LRP1: variants seen among roughly 807,000 people sequenced by gnomAD.
LRP1 encodes prolow-density lipoprotein receptor-related protein 1.
LRP1 carries 51 observed loss-of-function variants against 541.5 expected under a neutral mutation model. The observed-to-expected ratio is 0.09, with a 90% CI of 0.08 to 0.12. LRP1 has a LOEUF of 0.12. LRP1 is among the 10% of genes least tolerant of loss of function. LRP1 has a pLI of 1.00. For missense variants in LRP1, 3,878 were observed against 6,376.2 expected, an observed-to-expected ratio of 0.61 and a Z score of 13.34; for synonymous variants, 2,219 against 2,470.8, an observed-to-expected ratio of 0.90 and a Z score of 3.02.
In LRP1 at chr12:57,179,088, T is replaced by A. The variant is rs976202423; in HGVS notation, c.4738+67T>A. ...GGAGGGAAGGCCGCAGGCCCCAGGATCCCGGTTGTCAGCTAAGGCAGAGTC... is the reference window on the plus strand; with the variant it reads ...GGAGGGAAGGCCGCAGGCCCCAGGAACCCGGTTGTCAGCTAAGGCAGAGTC... On this transcript the variant is annotated intron_variant, in intron 28 of 88. Coordinates refer to ENST00000243077, the MANE Select transcript of LRP1 (RefSeq NM_002332.3). The surrounding 1 kb of genome is among the most constrained non-coding windows in gnomAD (Gnocchi z 6.8). 16 of 1,563,232 alleles carry A rather than the reference T, an allele frequency of 1.0e-5. No homozygotes were observed. The African/African-American group carries it at 1.9e-4, about 19-fold the overall frequency.
chr12:57,204,520 G>A lies in LRP1; in HGVS notation c.11062G>A (p.Glu3688Lys), dbSNP rs201541007. The change falls in exon 71 of 89, where the codon GAG becomes AAG. Residue 3688 changes from glutamate (E) to lysine (K), a missense_variant. This residue lies in a region of LRP1 where 871 missense variants were observed against 1,212.4 expected (regional missense o/e 0.72). Coordinates refer to ENST00000243077, the MANE Select transcript of LRP1 (RefSeq NM_002332.3). This position sits in a 1 kb window ranked among gnomAD's most constrained non-coding sequence, Gnocchi z 5.3. ...DCGDNSDENP[E>K]ECARFVCPPN... is the part of the protein sequence containing the mutation. Reference sequence around the variant, plus strand: ...TGGGGACAACTCAGATGAGAACCCCGAGGAGTGTGGTGAGATTTGGGGCGG... The same window carrying A: ...TGGGGACAACTCAGATGAGAACCCCAAGGAGTGTGGTGAGATTTGGGGCGG... The A allele has an allele frequency of 3.0e-5, 48 of 1,602,696 alleles. 1 individual carries two copies. In the East Asian group the frequency reaches 5.2e-4, roughly 17 times the overall value.
In LRP1 at chr12:57,212,586, GCCT is replaced by G; in HGVS notation, c.*35_*37del. 1 of 1,551,272 alleles carries G rather than the reference GCCT, an allele frequency of 6.4e-7. No homozygotes were observed. The highest frequency in any genetic ancestry group is 8.7e-7 in the Non-Finnish European group (1 of 1,147,954). On this transcript the variant is annotated 3_prime_UTR_variant, in exon 89 of 89. Coordinates refer to ENST00000243077, the MANE Select transcript of LRP1 (RefSeq NM_002332.3). This position sits in a 1 kb window ranked among gnomAD's most constrained non-coding sequence, Gnocchi z 5.0. ...TGCCCCGTCGGACTGCCCCCAGAAA[GCCT>G]CCTGCCCCCTGCCAGTGAAGTCCTT...
chr12:57,143,606 G>A (rs958516159), intron 3 of LRP1, 73 bp from the exon 4 acceptor site: 2 of 1,558,136 alleles, frequency 1.3e-6, no homozygotes, highest in African/African-American at 2.7e-5. Context: ...ACTGGGTTTA[G>A]GGGAAGGTTG....
Position 57,138,501 on chromosome 12 carries a change from A to C in LRP1, c.110A>C (p.Gln37Pro). The part of the protein sequence containing the change: ...CSPKQFACRD[Q>P]ITCISKGWRC... ...CCCAAGCAGTTTGCCTGCAGAGATC[A>C]AATAACCTGTATCTCAAAGGGCTGG... Residue 37 changes from glutamine (Q) to proline (P), a missense_variant, in exon 2 of 89, where the codon CAA (glutamine) becomes CCA (proline). Gln to Pro is a moderately conservative substitution (Grantham distance 76). Coordinates refer to ENST00000243077, the MANE Select transcript of LRP1 (RefSeq NM_002332.3). The C allele has an allele frequency of 6.2e-7, 1 of 1,614,080 alleles. No homozygotes were observed. The highest frequency in any genetic ancestry group is 8.5e-7 in the Non-Finnish European group (1 of 1,179,966).
At chr12:57,134,868 G>A (rs534182960) in intron 1 of LRP1, among the ~76,000 whole-genome samples, 1 of 152,178 alleles carries the variant, frequency 6.6e-6, no homozygotes, top group Admixed American at 6.5e-5. Context: ...ACCACGCCCA[G>A]CTAATTTTTC....
intron 10 of LRP1, among the ~76,000 whole-genome samples, chr12:57,157,653 T>G (rs761511182): frequency 3.3e-5 from 5 of 151,696 alleles, no homozygotes; most frequent in Non-Finnish European, 5.9e-5. Context: ...GAGAATAGAG[T>G]TAATGAGGAG....
chr12:57,195,554 A>AT, intron 52 of LRP1, 104 bp from the exon 53 acceptor site: 1 of 1,589,362 alleles, frequency 6.3e-7, no homozygotes, highest in Non-Finnish European at 8.6e-7. Flanking sequence ...CTCCTCATCC[A>AT]GTGCCCTGCC....
Position 57,195,921 on chromosome 12 carries a change from CCG to C in LRP1, c.8621_8622del (p.Arg2874ProfsTer5). On this transcript the variant is annotated frameshift_variant, in exon 54 of 89. Transcript: ENST00000243077. LOFTEE classifies it high-confidence loss of function. ...GTGCCAATGGGCGCTGTCTGAGCTC[CCG>C]CCAGTGGGAGTGTGATGGCGAGAAT... ...RCANGRCLSS[R>X]QWECDGENDC... The C allele has an allele frequency of 6.2e-7, 1 of 1,613,764 alleles. No homozygotes were observed. The highest frequency in any genetic ancestry group is 8.5e-7 in the Non-Finnish European group (1 of 1,180,018).
In LRP1 at chr12:57,173,200, G is replaced by A; in HGVS notation, c.3196G>A (p.Glu1066Lys). ...TRPPGGCHTD[E>K]FQCRLDGLCI... ...GCCCCCTGGTGGCTGCCACACTGAT[G>A]AGTTCCAGTGCCGGCTGGATGGACT... The change falls in exon 21 of 89, where the codon GAG (glutamate) becomes AAG (lysine). Residue 1066 changes from glutamate (E) to lysine (K), a missense_variant. By Grantham distance (56) the Glu-to-Lys change is moderately conservative. This residue lies in a region of LRP1 where 320 missense variants were observed against 547.9 expected (regional missense o/e 0.58). Coordinates refer to ENST00000243077, the MANE Select transcript of LRP1 (RefSeq NM_002332.3). The surrounding 1 kb of genome is among the most constrained non-coding windows in gnomAD (Gnocchi z 4.7). 1.2e-6 allele frequency: 2 copies of A among 1,613,216 alleles called. No homozygotes were observed. Among genetic ancestry groups the A allele is most frequent in the Non-Finnish European group, 1.7e-6 (2 of 1,179,582 alleles).
chr12:57,173,447 C>A lies in LRP1; in HGVS notation c.3346+97C>A. On this transcript the variant is annotated intron_variant, in intron 21 of 88. Coordinates refer to ENST00000243077, the MANE Select transcript of LRP1 (RefSeq NM_002332.3). The surrounding 1 kb of genome is among the most constrained non-coding windows in gnomAD (Gnocchi z 4.7). The stretch of plus-strand genomic sequence containing the variant: ...TAGCGGCAAAGGGGATGGCACTGTG[C>A]TGTGTGGAGTGGTGCTGGGGACAGT... 1 of 1,331,032 alleles carries A rather than the reference C, an allele frequency of 7.5e-7. No individual in the cohort carries two copies. Among genetic ancestry groups the A allele is most frequent in the Non-Finnish European group, 1.0e-6 (1 of 961,272 alleles). The allele number at this position is 1,331,032 out of a possible 1,614,324, so 82.5% of individuals were successfully genotyped here.
At position 57,195,790 on chromosome 12, in the gene LRP1, C is replaced by T. The variant is rs755659191; in HGVS notation, c.8560+10C>T. 21 of 1,614,014 alleles carry T rather than the reference C, an allele frequency of 1.3e-5. No individual in the cohort carries two copies. The highest frequency in any genetic ancestry group is 3.3e-5 in the Admixed American group (2 of 60,002). On this transcript the variant is annotated intron_variant, in intron 53 of 88. Transcript: ENST00000243077. Reference sequence around the variant, plus strand: ...GAGTCCCCCGAGTGTGGTGAGCCTTCGGCGGTGGTGGGAGGAGGCCCTGCC... The same window carrying T: ...GAGTCCCCCGAGTGTGGTGAGCCTTTGGCGGTGGTGGGAGGAGGCCCTGCC...
Position 57,154,769 on chromosome 12 carries a change from G to A in LRP1, c.1227+68G>A. The A allele has an allele frequency of 7.1e-7, 1 of 1,401,626 alleles. No individual in the cohort carries two copies. The highest frequency in any genetic ancestry group is 9.9e-7 in the Non-Finnish European group (1 of 1,012,970). The allele number at this position is 1,401,626 out of a possible 1,614,324, so 86.8% of individuals were successfully genotyped here. A position where few individuals can be genotyped will look rare whatever the true frequency, so the allele number is the denominator to read the frequency against. ...CCAGGGCCTTCTGGTGAGGGGGGAA[G>A]CCTCTGTAGGGGAACCGTTCTCTGA... On this transcript the variant is annotated intron_variant, in intron 8 of 88. Coordinates refer to ENST00000243077, the MANE Select transcript of LRP1 (RefSeq NM_002332.3). The surrounding 1 kb of genome is among the most constrained non-coding windows in gnomAD (Gnocchi z 4.6).
At position 57,143,687 on chromosome 12, in the gene LRP1, G is replaced by C; in HGVS notation, c.337G>C (p.Gly113Arg). The change falls in exon 4 of 89, where the codon GGC (glycine) becomes CGC (arginine). Residue 113 changes from glycine (G) to arginine (R), a missense_variant. Gly to Arg is a moderately radical substitution (Grantham distance 125, BLOSUM62 -2). This residue lies in a region of LRP1 where 293 missense variants were observed against 403.7 expected (regional missense o/e 0.73). Transcript: ENST00000243077. ...CTCCTGCCCCCACACAGAGCTCCAAGGCAACTGCTCTCGCCTGGGCTGCCA... is the reference window on the plus strand; with the variant it reads ...CTCCTGCCCCCACACAGAGCTCCAACGCAACTGCTCTCGCCTGGGCTGCCA... ...DEGPHCRELQ[G>R]NCSRLGCQHH... 4 of 1,613,570 alleles carry C rather than the reference G, an allele frequency of 2.5e-6. No homozygotes were observed. Among genetic ancestry groups the C allele is most frequent in the Non-Finnish European group, 2.5e-6 (3 of 1,179,556 alleles).
At position 57,193,263 on chromosome 12, in the gene LRP1, C is replaced by T. The variant is rs1002902805; in HGVS notation, c.7643C>T (p.Pro2548Leu). The T allele has an allele frequency of 3.7e-6, 6 of 1,613,794 alleles. No individual in the cohort carries two copies. Among genetic ancestry groups the T allele is most frequent in the Non-Finnish European group, 5.1e-6 (6 of 1,180,020 alleles). The change falls in exon 46 of 89, where the codon CCC (proline) becomes CTC (leucine). Residue 2548 changes from proline (P) to leucine (L), a missense_variant. This residue lies in a region of LRP1 where 1,100 missense variants were observed against 1,827.4 expected (regional missense o/e 0.60). Coordinates refer to ENST00000243077, the MANE Select transcript of LRP1 (RefSeq NM_002332.3). The stretch of plus-strand genomic sequence containing the variant: ...TTCAGCCTGACCTGCGACGGCGTCC[C>T]CCACTGCAAGGACAAGTCCGATGAG... ...INFSLTCDGV[P>L]HCKDKSDEKP...
rs768821332 is a variant in LRP1 at position 57,141,435 on chromosome 12, G to A, written c.252G>A (p.Leu84=). The part of the protein sequence containing the change: ...PNEHNCLGTE[L]CVPMSRLCNG... Reference sequence around the variant, plus strand: ...AGCATAACTGCCTGGGTACTGAGCTGTGTGTTCCCATGTCCCGCCTCTGCA... The same window carrying A: ...AGCATAACTGCCTGGGTACTGAGCTATGTGTTCCCATGTCCCGCCTCTGCA... The change falls in exon 3 of 89, where the codon CTG becomes CTA. Residue 84 remains leucine (L), a synonymous_variant. Coordinates refer to ENST00000243077, the MANE Select transcript of LRP1 (RefSeq NM_002332.3). 1.2e-6 allele frequency: 2 copies of A among 1,614,194 alleles called. No individual in the cohort carries two copies. Among genetic ancestry groups the A allele is most frequent in the East Asian group, 4.5e-5 (2 of 44,884 alleles).
intron 51 of LRP1, 80 bp downstream of exon 51, chr12:57,195,181 C>A: frequency 1.3e-6 from 2 of 1,577,298 alleles, no homozygotes; most frequent in Admixed American, 1.7e-5. Flanking sequence ...CACACAGACA[C>A]CCCTGCAGAC....
intron 19 of LRP1, 116 bp from the exon 20 acceptor site, chr12:57,169,023 TG>T (rs1164929623): frequency 2.0e-5 from 14 of 712,932 alleles, no homozygotes; most frequent in Admixed American, 2.8e-5. Flanking sequence ...ATTTTCCCAG[TG>T]GGGGGGTTAG....
intron 13 of LRP1, among the ~76,000 whole-genome samples, chr12:57,161,420 CAT>C (rs1256030152): frequency 1.3e-5 from 2 of 152,290 alleles, no homozygotes; most frequent in South Asian, 2.1e-4. Flanking sequence ...TGCGCCTCCT[CAT>C]GTGTGTGCAT....
chr12:57,141,649 G>T, intron 3 of LRP1, 138 bp downstream of exon 3: 1 of 1,123,160 alleles, frequency 8.9e-7, no homozygotes, highest in Non-Finnish European at 1.3e-6. Flanking sequence ...TCAGAGAGCA[G>T]ATGAAATTGA....
Sources: allele counts gnomAD v4.1 joint callset (sites outside exome capture counted in the v4.1 genomes callset), GRCh38; gene constraint gnomAD v4.1.1; regional missense constraint gnomAD v4.1.1; non-coding constraint Gnocchi (gnomAD v3.1); transcripts MANE v1.5; gene names NCBI Gene and HGNC (gene_info 2026-07-23, HGNC 2026-07-21).